EPHB2: variants seen among roughly 807,000 people sequenced by gnomAD.
EPHB2 encodes the protein ephrin type-B receptor 2.
Under a neutral mutation model 96.4 loss-of-function variants are expected in EPHB2, and 18 were observed. The ratio of observed to expected loss-of-function variants is 0.19; its 90% confidence interval spans 0.13 to 0.28. The LOEUF is 0.28. Ranked by LOEUF, EPHB2 falls within the 10% of genes least tolerant of loss-of-function variation. EPHB2 has a pLI of 1.00. For synonymous variants in EPHB2, 506 were observed against 534.1 expected (o/e 0.95, Z 0.72); for missense variants, 989 against 1,355.4 (o/e 0.73, Z 4.25).
chr1:22,819,801 T>G (rs1391301492), intron 3 of EPHB2, among the ~76,000 whole-genome samples: 1 of 137,432 alleles, frequency 7.3e-6, no homozygotes, highest in Non-Finnish European at 1.6e-5. Flanking sequence ...TTATTTGGAT[T>G]ACTACAAATT....
At chr1:22,882,089 A>G (rs1158928342) in intron 5 of EPHB2, among the ~76,000 whole-genome samples, 1 of 152,148 alleles carries the variant, frequency 6.6e-6, no homozygotes, top group Non-Finnish European at 1.5e-5. Flanking sequence ...CTGTCTCTCA[A>G]CTTGATGTGG....
In EPHB2 at chr1:22,871,203, A is replaced by G. The variant is rs1638654224; in HGVS notation, c.1303+5991A>G. 2.0e-5 allele frequency among the ~76,000 whole-genome samples: 3 copies of G among 152,240 alleles called. No individual in the cohort carries two copies. The South Asian group carries it at 6.2e-4, about 32-fold the overall frequency. On this transcript the variant is annotated intron_variant, in intron 5 of 15. Transcript: ENST00000374630. ...GCTCTATCCCAGGCCAGGAAGTAACAGAACCTGAATAATTGTATCTCTGCA... is the reference window on the plus strand; with the variant it reads ...GCTCTATCCCAGGCCAGGAAGTAACGGAACCTGAATAATTGTATCTCTGCA...
At chr1:22,714,061 A>G (rs569241379) in intron 1 of EPHB2, among the ~76,000 whole-genome samples, 1 of 152,310 alleles carries the variant, frequency 6.6e-6, no homozygotes, top group East Asian at 1.9e-4. Flanking sequence ...CAGCCTCCTT[A>G]CATCTGCTCC....
chr1:22,869,428 A>G (rs1638586877), intron 5 of EPHB2, among the ~76,000 whole-genome samples: 1 of 152,058 alleles, frequency 6.6e-6, no homozygotes, highest in Non-Finnish European at 1.5e-5. Context: ...TGAGGGCCCA[A>G]GAGGTGCTGG....
At chr1:22,713,118 G>A (rs1294645875) in intron 1 of EPHB2, among the ~76,000 whole-genome samples, 1 of 152,136 alleles carries the variant, frequency 6.6e-6, no homozygotes, top group African/African-American at 2.4e-5. Context: ...ACTGCCACTT[G>A]GGGGCAGGGT....
At chr1:22,764,503 T>C (rs1296046419) in intron 1 of EPHB2, among the ~76,000 whole-genome samples, 1 of 152,084 alleles carries the variant, frequency 6.6e-6, no homozygotes, top group East Asian at 1.9e-4. Context: ...CCCAGCACTT[T>C]GGGAGGCCGA....
At chr1:22,810,109 TGGG>T (rs1313793299) in intron 3 of EPHB2, among the ~76,000 whole-genome samples, 1 of 152,046 alleles carries the variant, frequency 6.6e-6, no homozygotes, top group African/African-American at 2.4e-5. Flanking sequence ...TTCAGCCTGA[TGGG>T]GTGTTTGGTA....
chr1:22,894,963 G>A (rs28696733), intron 7 of EPHB2, among the ~76,000 whole-genome samples: 16 of 152,184 alleles, frequency 1.1e-4, no homozygotes, highest in Admixed American at 5.9e-4. Context: ...GTTGTTCTAA[G>A]TGCTTTACCC....
intron 3 of EPHB2, among the ~76,000 whole-genome samples, chr1:22,844,377 G>T (rs962796209): frequency 5.3e-5 from 8 of 152,230 alleles, no homozygotes; most frequent in African/African-American, 1.9e-4. Context: ...GCTGGGATTG[G>T]AACCCAGAGT....
At chr1:22,770,113 G>C (rs1009989860) in intron 1 of EPHB2, among the ~76,000 whole-genome samples, 3 of 152,116 alleles carry the variant, frequency 2.0e-5, no homozygotes, top group African/African-American at 4.8e-5. Context: ...GTGAGTGTGT[G>C]GGTGGGTGGA....
intron 3 of EPHB2, among the ~76,000 whole-genome samples, chr1:22,825,682 G>A (rs1422777967): frequency 6.6e-6 from 1 of 152,226 alleles, no homozygotes; most frequent in African/African-American, 2.4e-5. Flanking sequence ...GAACTAAGTG[G>A]GAGCCAGGGG....
At chr1:22,717,513 ACCTTGCCTGCTGTGTGG>A (rs1394463650) in intron 1 of EPHB2, among the ~76,000 whole-genome samples, 2 of 152,008 alleles carry the variant, frequency 1.3e-5, no homozygotes, top group African/African-American at 4.8e-5. Flanking sequence ...AGAAGAGGGG[ACCTTGCCTGCTGTGTGG>A]CCTTGACCAA....
intron 3 of EPHB2, among the ~76,000 whole-genome samples, chr1:22,818,068 C>T (rs1645098727): frequency 6.6e-6 from 1 of 152,050 alleles, no homozygotes; most frequent in East Asian, 2.0e-4. Context: ...CCTTCTGTGT[C>T]ATCTGGGCTT....
intron 1 of EPHB2, among the ~76,000 whole-genome samples, chr1:22,727,733 C>A (rs1271193144): frequency 1.5e-5 from 2 of 137,890 alleles, no homozygotes; most frequent in Admixed American, 1.5e-4. Context: ...AACATATTTT[C>A]TTTTCTTTTC....
intron 9 of EPHB2, among the ~76,000 whole-genome samples, chr1:22,902,447 C>T (rs1039842116): frequency 6.6e-6 from 1 of 152,202 alleles, no homozygotes; most frequent in African/African-American, 2.4e-5. Flanking sequence ...GGGCTTATAG[C>T]TTTGGGTCTA....
chr1:22,742,504 T>A (rs764074232), intron 1 of EPHB2, among the ~76,000 whole-genome samples: 10 of 152,162 alleles, frequency 6.6e-5, no homozygotes, highest in Non-Finnish European at 1.2e-4. Flanking sequence ...TTTCTCTCTT[T>A]CTTCCGAGTG....
At position 22,895,449 on chromosome 1, in the gene EPHB2, G is replaced by C. The variant is rs367718105; in HGVS notation, c.1592-23G>C. On this transcript the variant is annotated intron_variant, in intron 7 of 15. Coordinates refer to ENST00000374630, the MANE Select transcript of EPHB2 (RefSeq NM_017449.5). ...CGACTCCCACAGCCAGGCTGAGAAT[G>C]CCCTACCATGCTTTCTCCCCAGCCG... The C allele has an allele frequency of 1.1e-5, 18 of 1,611,664 alleles. No homozygotes were observed. The African/African-American group carries it at 2.4e-4, about 22-fold the overall frequency.
At chr1:22,788,204 C>T (rs1038350358) in intron 3 of EPHB2, among the ~76,000 whole-genome samples, 2 of 152,214 alleles carry the variant, frequency 1.3e-5, no homozygotes, top group Non-Finnish European at 2.9e-5. Flanking sequence ...CTGGCATAGG[C>T]AGGTTCTCAG....
chr1:22,795,351 G>A (rs920045852), intron 3 of EPHB2, among the ~76,000 whole-genome samples: 3 of 152,160 alleles, frequency 2.0e-5, no homozygotes, highest in Admixed American at 6.5e-5. Context: ...GCAGGGAGTC[G>A]GAGGTGGCTC....
Sources: gnomAD v4.1 joint callset for allele counts (sites outside exome capture counted in the v4.1 genomes callset) on GRCh38, gnomAD v4.1.1 for gene constraint, MANE v1.5 for transcripts, NCBI Gene and HGNC (gene_info 2026-07-23, HGNC 2026-07-21) for gene names.